ADCY6: variants seen among roughly 807,000 people sequenced by gnomAD.
ADCY6 encodes adenylate cyclase type 6.
Under a neutral mutation model 111.6 loss-of-function variants are expected in ADCY6, and 59 were observed. The ratio of observed to expected loss-of-function variants is 0.53; its 90% confidence interval spans 0.43 to 0.66. The LOEUF is 0.66. Ranked by LOEUF, ADCY6 falls within the 30% of genes least tolerant of loss-of-function variation. The pLI is 0.00. For missense variants in ADCY6, 1,242 were observed against 1,595.6 expected, an observed-to-expected ratio of 0.78 and a Z score of 3.78; for synonymous variants, 576 against 642.9, an observed-to-expected ratio of 0.90 and a Z score of 1.57.
chr12:48,774,165 C>A, intron 14 of ADCY6, 67 bp from the exon 15 acceptor site: 1 of 1,461,222 alleles, frequency 6.8e-7, no homozygotes, highest in Admixed American at 2.0e-5. Context: ...CCTGGTGAAG[C>A]CATGTACCCT....
intron 20 of ADCY6, 27 bp downstream of exon 20, chr12:48,770,739 A>AC (rs1941514123): frequency 6.2e-7 from 1 of 1,607,046 alleles, no homozygotes; most frequent in African/African-American, 1.3e-5. Context: ...TCCTGGGAAA[A>AC]CCCGCCAAGC....
In ADCY6 at chr12:48,771,043, TGC is replaced by T. The variant is rs1592154488; in HGVS notation, c.3052-75_3052-74del. ...CAGCCCTGCCCCAACACTCATTTCT[TGC>T]CACGCCTTGGCTGCCTTCCCCACTT... On this transcript the variant is annotated intron_variant, in intron 19 of 21. Coordinates refer to ENST00000357869, the MANE Select transcript of ADCY6 (RefSeq NM_015270.5). This position sits in a 1 kb window ranked among gnomAD's most constrained non-coding sequence, Gnocchi z 4.3. 29 of 1,467,920 alleles carry T rather than the reference TGC, an allele frequency of 2.0e-5. No homozygotes were observed. The East Asian group carries it at 4.3e-4, about 22-fold the overall frequency. The allele number at this position is 1,467,920 out of a possible 1,614,324, so 90.9% of individuals were successfully genotyped here. A position where few individuals can be genotyped will look rare whatever the true frequency, so the allele number is the denominator to read the frequency against.
rs780887789 is a variant in ADCY6 at position 48,768,979 on chromosome 12, G to C, written c.3339C>G (p.Val1113=). 1 of 1,614,054 alleles carries C rather than the reference G, an allele frequency of 6.2e-7. No individual in the cohort carries two copies. The highest frequency in any genetic ancestry group is 1.7e-5 in the Admixed American group (1 of 60,016). The change falls in exon 21 of 22, where the codon GTC becomes GTG. Residue 1113 remains valine, a synonymous_variant. Coordinates refer to ENST00000357869, the MANE Select transcript of ADCY6 (RefSeq NM_015270.5). ...CCCCCGTGCTGTCCATACGACTAGA[G>C]ACATTCACTGTGTTCCCCCAGATGT... The part of the protein sequence containing the change: ...QYDIWGNTVN[V]SSRMDSTGVP...
chr12:48,789,791 C>T (rs1329071139), upstream of ADCY6: 1 of 151,926 alleles, frequency 6.6e-6, no homozygotes, highest in East Asian at 1.9e-4. Flanking sequence ...TGGAGGGACC[C>T]AGGGAAGGGG....
In ADCY6 at chr12:48,769,831, G is replaced by A. The variant is rs560010481; in HGVS notation, c.3257-770C>T. Among the ~76,000 whole-genome samples the A allele has an allele frequency of 3.2e-3, 467 of 144,098 alleles. 1 individual carries two copies. The highest frequency in any genetic ancestry group is 4.7e-3 in the Non-Finnish European group (314 of 66,428). 94.5% of individuals were successfully genotyped at this position (144,098 alleles called of 152,430 possible). A position where few individuals can be genotyped will look rare whatever the true frequency, so the allele number is the denominator to read the frequency against. On this transcript the variant is annotated intron_variant, in intron 20 of 21. Transcript: ENST00000357869. ...GGCTGGAGTGCAGTGGCACCATCTC[G>A]GCTCACTGCAAGCTCCGCCTCCCGG...
At chr12:48,774,592 G>C in intron 13 of ADCY6, 74 bp from the exon 14 acceptor site, 5 of 1,571,582 alleles carry the variant, frequency 3.2e-6, no homozygotes, top group Non-Finnish European at 4.4e-6. Context: ...ATGGGGCCCA[G>C]TGGAAGAGGC....
chr12:48,784,620 T>G (rs1392589554), intron 1 of ADCY6, among the ~76,000 whole-genome samples: 3 of 147,964 alleles, frequency 2.0e-5, no homozygotes, highest in Non-Finnish European at 4.5e-5. Context: ...TCCCAGTGGG[T>G]CCCGATCTGA....
chr12:48,771,444 A>T lies in ADCY6; in HGVS notation c.3051+266T>A. 1.7e-6 allele frequency: 1 copy of T among 586,968 alleles called. No individual in the cohort carries two copies. 36.4% of individuals were successfully genotyped at this position (586,968 alleles called of 1,614,324 possible). On this transcript the variant is annotated intron_variant, in intron 19 of 21. Coordinates refer to ENST00000357869, the MANE Select transcript of ADCY6 (RefSeq NM_015270.5). This position sits in a 1 kb window ranked among gnomAD's most constrained non-coding sequence, Gnocchi z 4.3. ...ATTGCCTTCTTCTTCAGTGACATCCACCTGGTACCTATCCTATCCCCCTAC... is the reference window on the plus strand; with the variant it reads ...ATTGCCTTCTTCTTCAGTGACATCCTCCTGGTACCTATCCTATCCCCCTAC...
At chr12:48,778,072 G>A (rs926492926) in intron 3 of ADCY6, 36 bp downstream of exon 3, 1 of 1,581,694 alleles carries the variant, frequency 6.3e-7, no homozygotes, top group Non-Finnish European at 8.6e-7. Context: ...TGGGGGTAAG[G>A]TGGGGGCAGG....
Position 48,782,951 on chromosome 12 carries a change from G to A in ADCY6, c.484C>T (p.Leu162Phe), listed in dbSNP as rs1442691683. 1.9e-6 allele frequency: 3 copies of A among 1,613,352 alleles called. No individual in the cohort carries two copies. Among genetic ancestry groups the A allele is most frequent in the Non-Finnish European group, 2.5e-6 (3 of 1,179,908 alleles). The change falls in exon 2 of 22, where the codon CTC becomes TTC. Residue 162 changes from leucine to phenylalanine, a missense_variant. Leu to Phe is a conservative substitution (Grantham distance 22). Coordinates refer to ENST00000357869, the MANE Select transcript of ADCY6 (RefSeq NM_015270.5). The surrounding 1 kb of genome is among the most constrained non-coding windows in gnomAD (Gnocchi z 4.3). ...TGGAAAGCCAGCAGCACCGCTGTGA[G>A]CAGCACCAGCACCGCCATCAGCAGC... ...LTLLMAVLVL[L>F]TAVLLAFHAA...
chr12:48,776,713 A>G lies in ADCY6; in HGVS notation c.1377-127T>C, dbSNP rs1941714417. 7.0e-6 allele frequency: 9 copies of G among 1,282,380 alleles called. No individual in the cohort carries two copies. The Admixed American group carries it at 2.4e-4, about 35-fold the overall frequency. 79.4% of individuals were successfully genotyped at this position (1,282,380 alleles called of 1,614,324 possible). A position where few individuals can be genotyped will look rare whatever the true frequency, so the allele number is the denominator to read the frequency against. The stretch of plus-strand genomic sequence containing the variant: ...ACCCAGATGCAGGGGACGGGAGCAC[A>G]GCCTTGGTTGGACATGAGCAGAAGG... On this transcript the variant is annotated intron_variant, in intron 6 of 21. Coordinates refer to ENST00000357869, the MANE Select transcript of ADCY6 (RefSeq NM_015270.5). This position sits in a 1 kb window ranked among gnomAD's most constrained non-coding sequence, Gnocchi z 6.1.
chr12:48,773,848 T>C (rs1565645432), intron 15 of ADCY6, 92 bp downstream of exon 15: 23 of 1,527,640 alleles, frequency 1.5e-5, no homozygotes, highest in Non-Finnish European at 1.9e-5. Context: ...GGTGAGTTCC[T>C]GGGTCCCCAG....
Position 48,777,316 on chromosome 12 carries a change from T to C in ADCY6, c.1249-85A>G. Reference sequence around the variant, plus strand: ...ATGGCCCACCACCCTCCACGCATACTCTATCTGCCCTCAAATCCCCAGCTG... The same window carrying C: ...ATGGCCCACCACCCTCCACGCATACCCTATCTGCCCTCAAATCCCCAGCTG... On this transcript the variant is annotated intron_variant, in intron 5 of 21. Transcript: ENST00000357869. This position sits in a 1 kb window ranked among gnomAD's most constrained non-coding sequence, Gnocchi z 4.9. 6.3e-7 allele frequency: 1 copy of C among 1,596,158 alleles called. No individual in the cohort carries two copies. The highest frequency in any genetic ancestry group is 8.5e-7 in the Non-Finnish European group (1 of 1,170,008).
Position 48,775,003 on chromosome 12 carries a change from A to C in ADCY6, c.2032T>G (p.Leu678Val). Residue 678 changes from leucine (L) to valine (V), a missense_variant, in exon 12 of 22, where the codon TTG becomes GTG. Leu to Val is a conservative substitution (Grantham distance 32, BLOSUM62 1). This residue lies in a region of ADCY6 where 375 missense variants were observed against 432.5 expected (regional missense o/e 0.87). Transcript: ENST00000357869. Reference protein sequence around the residue: ...RFGAYVACALLVFCFICFIQL... With the variant: ...RFGAYVACALVVFCFICFIQL... ...ATGAAGCAGATGAAGCAGAAGACCAACAGGGCACAGGCAACGTAGGCTCCG... is the reference window on the plus strand; with the variant it reads ...ATGAAGCAGATGAAGCAGAAGACCACCAGGGCACAGGCAACGTAGGCTCCG... 1 of 1,558,604 alleles carries C rather than the reference A, an allele frequency of 6.4e-7. No homozygotes were observed.
At position 48,775,413 on chromosome 12, in the gene ADCY6, C is replaced by T. The variant is rs1375589705; in HGVS notation, c.1870G>A (p.Val624Met). ...ATGGCACGGCTCAGGAACTCATCCA[C>T]CTCATCCTCAGGGTTCAGGGCATCT... ...TQDALNPEDE[V>M]DEFLSRAIDA... Residue 624 changes from valine to methionine, a missense_variant, in exon 11 of 22, where the codon GTG becomes ATG. Coordinates refer to ENST00000357869, the MANE Select transcript of ADCY6 (RefSeq NM_015270.5). 6.2e-7 allele frequency: 1 copy of T among 1,614,160 alleles called. No homozygotes were observed. Among genetic ancestry groups the T allele is most frequent in the Non-Finnish European group, 8.5e-7 (1 of 1,180,032 alleles).
Position 48,782,753 on chromosome 12 carries a change from G to A in ADCY6, c.682C>T (p.Leu228Phe). The A allele has an allele frequency of 6.2e-7, 1 of 1,608,630 alleles. No homozygotes were observed. Among genetic ancestry groups the A allele is most frequent in the Non-Finnish European group, 8.5e-7 (1 of 1,177,542 alleles). ...GAGGGGCTGCGCGGGTCTGCTGCGA[G>A]AGCGCCCCCGACCTGCACTGCCGCC... The part of the protein sequence containing the change: ...ILAAVQVGGA[L>F]AADPRSPSAG... Residue 228 changes from leucine (L) to phenylalanine (F), a missense_variant, in exon 2 of 22, where the codon CTC becomes TTC. By Grantham distance (22) the Leu-to-Phe change is conservative. Around this residue, in one of 4 missense-constraint regions of ADCY6, gnomAD observed 362 missense variants for 377.2 expected, o/e 0.96. Transcript: ENST00000357869. The surrounding 1 kb of genome is among the most constrained non-coding windows in gnomAD (Gnocchi z 4.3).
chr12:48,787,106 T>C (rs1941991592), intron 1 of ADCY6, among the ~76,000 whole-genome samples: 1 of 152,226 alleles, frequency 6.6e-6, no homozygotes, highest in Non-Finnish European at 1.5e-5. Context: ...TATCAGTCCC[T>C]GTGTCCTTGG....
At position 48,775,469 on chromosome 12, in the gene ADCY6, G is replaced by T; in HGVS notation, c.1833-19C>A. On this transcript the variant is annotated intron_variant, in intron 10 of 21. Transcript: ENST00000357869. ...GCCCCGGCTGAGGGCAGGAGACATG[G>T]TTTCACCAGTTGCATGGGCATGGCC... 1.2e-6 allele frequency: 2 copies of T among 1,613,668 alleles called. No homozygotes were observed. The highest frequency in any genetic ancestry group is 1.7e-6 in the Non-Finnish European group (2 of 1,179,788).
chr12:48,777,048 G>C lies in ADCY6; in HGVS notation c.1376+56C>G, dbSNP rs1260830233. 2.6e-6 allele frequency: 4 copies of C among 1,526,308 alleles called. No individual in the cohort carries two copies. The highest frequency in any genetic ancestry group is 2.6e-6 in the Non-Finnish European group (3 of 1,136,640). The allele number at this position is 1,526,308 out of a possible 1,614,324, so 94.5% of individuals were successfully genotyped here. ...TCTCCTGAGGTCTCATCAAAAAGTA[G>C]GAGCAGTCTGGGGCACCCGCAATTC... is the stretch of plus-strand genomic sequence containing the variant. On this transcript the variant is annotated intron_variant, in intron 6 of 21. Coordinates refer to ENST00000357869, the MANE Select transcript of ADCY6 (RefSeq NM_015270.5). This position sits in a 1 kb window ranked among gnomAD's most constrained non-coding sequence, Gnocchi z 4.9.
Sources: gnomAD v4.1 joint callset for allele counts (sites outside exome capture counted in the v4.1 genomes callset) on GRCh38, gnomAD v4.1.1 for gene constraint, gnomAD v4.1.1 regional missense constraint, Gnocchi (gnomAD v3.1) non-coding constraint, MANE v1.5 for transcripts, NCBI Gene and HGNC (gene_info 2026-07-23, HGNC 2026-07-21) for gene names.